The following MYT1L variants were observed in gnomAD, a reference collection of about 807,000 sequenced individuals.
MYT1L encodes the protein myelin transcription factor 1 like, also known as myelin transcription factor 1-like protein.
A neutral mutation model predicts 126.7 loss-of-function variants in MYT1L; 12 were observed. The observed-to-expected ratio is 0.09, with a 90% CI of 0.06 to 0.15. The LOEUF (loss-of-function observed/expected upper bound fraction) is 0.15. Ranked by LOEUF, MYT1L falls within the 10% of genes least tolerant of loss-of-function variation. The pLI, the probability that MYT1L is intolerant of heterozygous loss-of-function variation, is 1.00. For missense variants in MYT1L, 979 were observed against 1,585.2 expected (o/e 0.62, Z 6.49); for synonymous variants, 541 against 604.2 (o/e 0.90, Z 1.53).
intron 11 of MYT1L, among the ~76,000 whole-genome samples, chr2:1,914,325 G>A (rs1019318573): frequency 4.6e-5 from 7 of 151,812 alleles, no homozygotes; most frequent in African/African-American, 9.7e-5. Context: ...TCAGACACAC[G>A]GGGCTTTATC....
At chr2:1,794,531 C>T (rs963507383) in intron 23 of MYT1L, among the ~76,000 whole-genome samples, 4 of 152,342 alleles carry the variant, frequency 2.6e-5, no homozygotes, top group South Asian at 2.1e-4. Context: ...CCCGGCTTAG[C>T]GGAGAAGCAG....
chr2:2,181,621 T>C (rs1436405277), intron 2 of MYT1L, among the ~76,000 whole-genome samples: 2 of 152,170 alleles, frequency 1.3e-5, no homozygotes, highest in Non-Finnish European at 2.9e-5. Context: ...AGGCCCTTCA[T>C]CTGTGACAGA....
At chr2:2,019,841 C>T (rs2064850234) in intron 4 of MYT1L, among the ~76,000 whole-genome samples, 2 of 151,772 alleles carry the variant, frequency 1.3e-5, no homozygotes, top group Non-Finnish European at 1.5e-5. Context: ...ATTTACATGC[C>T]AGTGTAATTA....
Position 1,929,096 on chromosome 2 carries a change from C to A in MYT1L, c.506-5833G>T, listed in dbSNP as rs1295844557. On this transcript the variant is annotated intron_variant, in intron 9 of 24. Coordinates refer to ENST00000647738, the MANE Select transcript of MYT1L (RefSeq NM_001303052.2). This position sits in a 1 kb window ranked among gnomAD's most constrained non-coding sequence, Gnocchi z 4.7. ...AGGACCAGGCGGAGAAGCGTGAGTT[C>A]ATTTCCCTCTCGCTTCAAAGGCCCC... Among the ~76,000 whole-genome samples, 1 of 152,150 alleles carries A rather than the reference C, an allele frequency of 6.6e-6. No individual in the cohort carries two copies. Among genetic ancestry groups the A allele is most frequent in the Non-Finnish European group, 1.5e-5 (1 of 68,026 alleles).
At chr2:2,096,840 T>C (rs1206123249) in intron 3 of MYT1L, among the ~76,000 whole-genome samples, 1 of 152,196 alleles carries the variant, frequency 6.6e-6, no homozygotes, top group Non-Finnish European at 1.5e-5. Context: ...GCCGTGTCCA[T>C]TTCTTTTGAG....
intron 2 of MYT1L, among the ~76,000 whole-genome samples, chr2:2,183,978 A>AG: frequency 7.4e-6 from 1 of 134,500 alleles, no homozygotes; most frequent in African/African-American, 3.0e-5. Context: ...GAAGAGAAAG[A>AG]AAGAGAGAGA....
intron 2 of MYT1L, among the ~76,000 whole-genome samples, chr2:2,212,596 G>T (rs1582414): frequency 0.13 from 20,381 of 152,062 alleles, 1,387 homozygotes; most frequent in Non-Finnish European, 0.15. Flanking sequence ...GTATAGACGG[G>T]ATTAGTACTA....
At chr2:2,197,064 G>GTGTA (rs2092831196) in intron 2 of MYT1L, among the ~76,000 whole-genome samples, 1 of 152,150 alleles carries the variant, frequency 6.6e-6, no homozygotes, top group Non-Finnish European at 1.5e-5. Flanking sequence ...AAATATTGAT[G>GTGTA]TGTAGGCCCA....
At chr2:2,266,785 C>G (rs1294608695) in intron 2 of MYT1L, among the ~76,000 whole-genome samples, 6 of 152,126 alleles carry the variant, frequency 3.9e-5, no homozygotes. Flanking sequence ...CTCATGAGAT[C>G]TCACGGTTTT....
At chr2:2,050,122 G>C (rs1197870499) in intron 4 of MYT1L, among the ~76,000 whole-genome samples, 1 of 151,998 alleles carries the variant, frequency 6.6e-6, no homozygotes, top group African/African-American at 2.4e-5. Context: ...TTTACATTAG[G>C]TTCATGATAT....
intron 21 of MYT1L, among the ~76,000 whole-genome samples, chr2:1,834,533 C>T (rs1405482380): frequency 6.6e-6 from 1 of 152,192 alleles, no homozygotes; most frequent in Admixed American, 6.5e-5. Context: ...TGGATACGTG[C>T]TACAACCTTG....
chr2:1,863,260 TG>T (rs1206474859), intron 18 of MYT1L, among the ~76,000 whole-genome samples: 1 of 152,166 alleles, frequency 6.6e-6, no homozygotes, highest in Non-Finnish European at 1.5e-5. Flanking sequence ...CTGTGGCCTT[TG>T]GGACTATAAG....
At chr2:1,797,182 G>A (rs562617270) in intron 23 of MYT1L, among the ~76,000 whole-genome samples, 2 of 152,228 alleles carry the variant, frequency 1.3e-5, no homozygotes, top group South Asian at 4.1e-4. Context: ...CAGGCACCTC[G>A]GCCGTTCTGC....
Position 2,206,614 on chromosome 2 carries a change from A to G in MYT1L, c.-420-33626T>C, listed in dbSNP as rs139335429. ...TCAAAAATGAAATTAAAACATGGAAATGCATAAGAGAAAAGAGGAGCATTT... is the reference window on the plus strand; with the variant it reads ...TCAAAAATGAAATTAAAACATGGAAGTGCATAAGAGAAAAGAGGAGCATTT... On this transcript the variant is annotated intron_variant, in intron 2 of 24. Transcript: ENST00000647738. Among the ~76,000 whole-genome samples, 4 of 152,320 alleles carry G rather than the reference A, an allele frequency of 2.6e-5. No individual in the cohort carries two copies. The East Asian group carries it at 7.7e-4, about 29-fold the overall frequency.
intron 8 of MYT1L, among the ~76,000 whole-genome samples, chr2:1,954,782 T>G (rs988387909): frequency 6.6e-6 from 1 of 152,030 alleles, no homozygotes; most frequent in Non-Finnish European, 1.5e-5. Flanking sequence ...TGTATGATTC[T>G]GGCTGAGTGC....
At chr2:2,041,265 C>T (rs2067496945) in intron 4 of MYT1L, among the ~76,000 whole-genome samples, 1 of 152,084 alleles carries the variant, frequency 6.6e-6, no homozygotes, top group Middle Eastern at 3.2e-3. Context: ...GTGAAATCGC[C>T]ACATTTGAGT....
At chr2:2,234,350 G>C (rs1015868904) in intron 2 of MYT1L, among the ~76,000 whole-genome samples, 8 of 152,232 alleles carry the variant, frequency 5.3e-5, no homozygotes, top group African/African-American at 1.9e-4. Context: ...AATAAAGACA[G>C]TGAAGACAGA....
At chr2:2,309,355 T>C (rs2095916451) in intron 1 of MYT1L, among the ~76,000 whole-genome samples, 1 of 151,396 alleles carries the variant, frequency 6.6e-6, no homozygotes, top group Non-Finnish European at 1.5e-5. Context: ...GTATACTCTA[T>C]CTATTCTCCA....
chr2:2,177,822 T>C (rs1274578856), intron 2 of MYT1L, among the ~76,000 whole-genome samples: 1 of 152,140 alleles, frequency 6.6e-6, no homozygotes, highest in Non-Finnish European at 1.5e-5. Context: ...CCCCTGGGGC[T>C]TCCAATTCAA....
Sources: allele counts gnomAD v4.1 joint callset (sites outside exome capture counted in the v4.1 genomes callset), GRCh38; gene constraint gnomAD v4.1.1; non-coding constraint Gnocchi (gnomAD v3.1); transcripts MANE v1.5; gene names NCBI Gene and HGNC (gene_info 2026-07-23, HGNC 2026-07-21).